Variants in ARID1B observed in about 807,000 individuals in gnomAD.
ARID1B encodes the protein AT-rich interaction domain 1B, also known as AT-rich interactive domain-containing protein 1B.
A neutral mutation model predicts 212.3 loss-of-function variants in ARID1B; 30 were observed. The ratio of observed to expected loss-of-function variants is 0.14; its 90% CI spans 0.11 to 0.19. The LOEUF (loss-of-function observed/expected upper bound fraction) is 0.19, where lower values mean the gene tolerates loss of function less well. Ranked by LOEUF, ARID1B falls within the 10% of genes least tolerant of loss-of-function variation. ARID1B has a pLI of 1.00. For missense variants in ARID1B, 2,891 were observed against 3,204.0 expected (o/e 0.90, Z 2.36); for synonymous variants, 1,402 against 1,301.7 (o/e 1.08, Z -1.66).
chr6:156,868,637 G>A (rs1785890153), intron 2 of ARID1B, among the ~76,000 whole-genome samples: 2 of 152,078 alleles, frequency 1.3e-5, no homozygotes, highest in South Asian at 4.1e-4. Context: ...CATTCATGAG[G>A]GCTGTGCCCT....
chr6:156,799,503 G>T (rs1292459668), intron 1 of ARID1B, among the ~76,000 whole-genome samples: 1 of 152,204 alleles, frequency 6.6e-6, no homozygotes, highest in African/African-American at 2.4e-5. Context: ...TTTGGACACG[G>T]AGTCTTGCTC....
chr6:156,906,636 C>T (rs532240541), intron 3 of ARID1B, among the ~76,000 whole-genome samples: 3 of 149,212 alleles, frequency 2.0e-5, no homozygotes, highest in African/African-American at 7.4e-5. Flanking sequence ...AGCAAGTGGC[C>T]TTGGGCACCT....
intron 6 of ARID1B, among the ~76,000 whole-genome samples, chr6:157,128,839 T>C (rs564374026): frequency 5.3e-5 from 8 of 152,360 alleles, no homozygotes; most frequent in South Asian, 4.1e-4. Context: ...TCACAAATTA[T>C]AAAATATCTC....
rs10536002 is a variant in ARID1B, at chr6:157,000,696, C to CTTTTTTTTTTTTTTTT, written c.2247+65125_2247+65140dup. On this transcript the variant is annotated intron_variant, in intron 4 of 19. Coordinates refer to ENST00000636930, the MANE Select transcript of ARID1B (RefSeq NM_001374828.1). Reference sequence around the variant, plus strand: ...TTCTAAACACCCATTTCTAATTATTCTTTTTTTTTTTTTTTTTTTTGAGAC... The same window carrying CTTTTTTTTTTTTTTTT: ...TTCTAAACACCCATTTCTAATTATTCTTTTTTTTTTTTTTTTTTTTTTTTTTTTTTTTTTTTGAGAC... Among the ~76,000 whole-genome samples, 11 of 99,230 alleles carry CTTTTTTTTTTTTTTTT rather than the reference C, an allele frequency of 1.1e-4. 1 individual carries two copies. The highest frequency in any genetic ancestry group is 6.7e-4 in the South Asian group (2 of 2,966). The allele number at this position is 99,230 out of a possible 152,430, so 65.1% of individuals were successfully genotyped here.
chr6:156,979,497 C>T lies in ARID1B; in HGVS notation c.2247+43921C>T, dbSNP rs532078431. Among the ~76,000 whole-genome samples, 6 of 152,032 alleles carry T rather than the reference C, an allele frequency of 3.9e-5. No homozygotes were observed. In the South Asian group the frequency reaches 1.2e-3, roughly 32 times the overall value. The stretch of plus-strand genomic sequence containing the variant: ...TTGATCTACCTGAATTTGAGCTTGG[C>T]AGTGGTCCAGGGACATTAGTGATTT... On this transcript the variant is annotated intron_variant, in intron 4 of 19. Transcript: ENST00000636930.
chr6:156,993,223 G>A (rs1778372055), intron 4 of ARID1B, among the ~76,000 whole-genome samples: 1 of 152,066 alleles, frequency 6.6e-6, no homozygotes, highest in African/African-American at 2.4e-5. Context: ...TGTATTTTTA[G>A]TAGAGATGGG....
chr6:157,162,803 C>G (rs1055216687), intron 8 of ARID1B, among the ~76,000 whole-genome samples: 3 of 152,324 alleles, frequency 2.0e-5, no homozygotes, highest in East Asian at 3.9e-4. Context: ...ACCACCCAAC[C>G]AGGGTCACCC....
At chr6:156,832,057 T>C (rs1223340468) in intron 2 of ARID1B, among the ~76,000 whole-genome samples, 1 of 152,240 alleles carries the variant, frequency 6.6e-6, no homozygotes, top group Admixed American at 6.5e-5. Context: ...GAATGCACTT[T>C]TGAATGTGTA....
In ARID1B at chr6:157,190,209, A is replaced by G. The variant is rs200230777; in HGVS notation, c.4230A>G (p.Lys1410=). ...PNKDPFGGMR[K]VPGSSEPFMT... ...AGGACCCCTTTGGGGGAATGAGAAA[A>G]GGTACGTGTAGAGGGGCCTCCACCC... is the stretch of plus-strand genomic sequence containing the variant. Residue 1410 remains lysine, a splice_region_variant and synonymous_variant, in exon 15 of 20, where the codon AAA becomes AAG. Transcript: ENST00000636930. The surrounding 1 kb of genome is among the most constrained non-coding windows in gnomAD (Gnocchi z 4.6). 1.1e-4 allele frequency: 173 copies of G among 1,609,834 alleles called. No individual in the cohort carries two copies. Among genetic ancestry groups the G allele is most frequent in the Non-Finnish European group, 6.8e-6 (8 of 1,178,902 alleles).
At chr6:156,974,496 G>T (rs1445761260) in intron 4 of ARID1B, among the ~76,000 whole-genome samples, 1 of 152,158 alleles carries the variant, frequency 6.6e-6, no homozygotes, top group East Asian at 1.9e-4. Context: ...GAGAAGAAGA[G>T]AAAGGTTAAA....
chr6:157,122,513 T>C (rs958022716), intron 6 of ARID1B, among the ~76,000 whole-genome samples: 6 of 152,172 alleles, frequency 3.9e-5, no homozygotes, highest in Non-Finnish European at 8.8e-5. Flanking sequence ...CCATGTAACG[T>C]TGAAATGAAC....
At chr6:157,165,195 T>C (rs1791239470) in intron 8 of ARID1B, among the ~76,000 whole-genome samples, 1 of 152,242 alleles carries the variant, frequency 6.6e-6, no homozygotes, top group African/African-American at 2.4e-5. Context: ...AATCAGAAGC[T>C]GTTGGATGAT....
chr6:157,200,631 A>G lies in ARID1B; in HGVS notation c.4480-74A>G. The G allele has an allele frequency of 6.8e-7, 1 of 1,481,218 alleles. No individual in the cohort carries two copies. The highest frequency in any genetic ancestry group is 9.1e-7 in the Non-Finnish European group (1 of 1,104,618). 91.8% of individuals were successfully genotyped at this position (1,481,218 alleles called of 1,614,324 possible). A position where few individuals can be genotyped will look rare whatever the true frequency, so the allele number is the denominator to read the frequency against. On this transcript the variant is annotated intron_variant, in intron 17 of 19. Transcript: ENST00000636930. This position sits in a 1 kb window ranked among gnomAD's most constrained non-coding sequence, Gnocchi z 4.3. Reference sequence around the variant, plus strand: ...ATGAACATTCTAGCAGGTAATAACTATTTTGCATAATTTCAGTGTGTGATT... The same window carrying G: ...ATGAACATTCTAGCAGGTAATAACTGTTTTGCATAATTTCAGTGTGTGATT...
chr6:157,157,956 A>G (rs1456197473), intron 8 of ARID1B, among the ~76,000 whole-genome samples: 1 of 152,198 alleles, frequency 6.6e-6, no homozygotes, highest in Non-Finnish European at 1.5e-5. Context: ...CCAGAAGTTC[A>G]AGGTTGTGGT....
intron 4 of ARID1B, among the ~76,000 whole-genome samples, chr6:157,015,691 T>C (rs1779882391): frequency 6.6e-6 from 1 of 152,240 alleles, no homozygotes; most frequent in South Asian, 2.1e-4. Flanking sequence ...TTGGTTCTCC[T>C]GACTTCAGAG....
chr6:156,812,945 T>TGC lies in ARID1B; in HGVS notation c.1792-16281_1792-16280insCG, dbSNP rs1781660069. Among the ~76,000 whole-genome samples, 4 of 129,544 alleles carry TGC rather than the reference T, an allele frequency of 3.1e-5. No homozygotes were observed. In the Admixed American group the frequency reaches 3.3e-4, roughly 11 times the overall value. The allele number at this position is 129,544 out of a possible 152,430, so 85.0% of individuals were successfully genotyped here. On this transcript the variant is annotated intron_variant, in intron 1 of 19. Coordinates refer to ENST00000636930, the MANE Select transcript of ARID1B (RefSeq NM_001374828.1). ...AATTATAATCCTGGGTGTGTGTGTG[T>TGC]GTGTGTGTGTGTGTGTGTGTGTGTG...
intron 2 of ARID1B, among the ~76,000 whole-genome samples, chr6:156,841,043 C>G (rs1341916962): frequency 1.3e-5 from 2 of 152,162 alleles, no homozygotes; most frequent in African/African-American, 4.8e-5. Context: ...ACATACAAAA[C>G]AGATGTTTTT....
At chr6:157,166,197 T>C (rs148654930) in intron 8 of ARID1B, 420 of 152,316 alleles carry the variant, frequency 2.8e-3, no homozygotes, top group African/African-American at 9.8e-3. Flanking sequence ...CTCTCCCCCA[T>C]CTCGTTACTA....
rs1419510010 is a variant in ARID1B at position 156,892,066 on chromosome 6, T to C, written c.1987-9310T>C. Among the ~76,000 whole-genome samples, 7 of 147,606 alleles carry C rather than the reference T, an allele frequency of 4.7e-5. No homozygotes were observed. In the South Asian group the frequency reaches 6.4e-4, roughly 13 times the overall value. On this transcript the variant is annotated intron_variant, in intron 2 of 19. Transcript: ENST00000636930. The stretch of plus-strand genomic sequence containing the variant: ...TTCTTTTTTTTTTTTTTTTCTTTTT[T>C]TTTTTGTATTTTTAGTAGTGACGGG...
Sources: allele counts gnomAD v4.1 joint callset (sites outside exome capture counted in the v4.1 genomes callset), GRCh38; gene constraint gnomAD v4.1.1; non-coding constraint Gnocchi (gnomAD v3.1); transcripts MANE v1.5; gene names NCBI Gene and HGNC (gene_info 2026-07-23, HGNC 2026-07-21).